The following LPP variants were observed in gnomAD, a reference collection of about 807,000 sequenced individuals.
The protein encoded by LPP is lipoma-preferred partner.
Under a neutral mutation model 60.4 loss-of-function variants are expected in LPP, and 38 were observed. That is an observed-to-expected ratio of 0.63 (90% CI 0.49 to 0.83). The LOEUF is 0.83. LPP is among the 40% of genes least tolerant of loss of function. The probability of loss-of-function intolerance (pLI) is 0.00; values close to 1 mark genes in which losing one functional copy is unlikely to be tolerated. For synonymous variants in LPP, 328 were observed against 290.8 expected (o/e 1.13, Z -1.30); for missense variants, 902 against 783.6 (o/e 1.15, Z -1.80).
chr3:188,809,319 A>G (rs1033042373), intron 9 of LPP, among the ~76,000 whole-genome samples: 1 of 152,060 alleles, frequency 6.6e-6, no homozygotes, highest in Non-Finnish European at 1.5e-5. Context: ...AAATGTTCCT[A>G]TTTCTCCACA....
chr3:188,601,712 A>T (rs1189544131), intron 6 of LPP, among the ~76,000 whole-genome samples: 2 of 152,126 alleles, frequency 1.3e-5, no homozygotes, highest in African/African-American at 4.8e-5. Flanking sequence ...AAAGCCCTAA[A>T]TGATTCTGTT....
intron 7 of LPP, among the ~76,000 whole-genome samples, chr3:188,674,666 A>G (rs1436786494): frequency 6.6e-6 from 1 of 152,174 alleles, no homozygotes; most frequent in Non-Finnish European, 1.5e-5. Context: ...TTCTCATTTA[A>G]TCTTCATAAT....
chr3:188,673,767 G>A (rs1011578702), intron 7 of LPP, among the ~76,000 whole-genome samples: 6 of 152,160 alleles, frequency 3.9e-5, no homozygotes, highest in African/African-American at 1.4e-4. Flanking sequence ...ACTGGAGGAA[G>A]GAGAGGCGGG....
intron 6 of LPP, among the ~76,000 whole-genome samples, chr3:188,602,164 A>AATATATATATAATATATATATAAT (rs1553939367): frequency 1.0e-5 from 1 of 98,924 alleles, no homozygotes; most frequent in African/African-American, 3.8e-5. Context: ...ATATATATAT[A>AATATATATATAATATATATATAAT]ATATATATAT....
intron 5 of LPP, among the ~76,000 whole-genome samples, chr3:188,486,393 G>T (rs1806528840): frequency 6.6e-6 from 1 of 152,180 alleles, no homozygotes; most frequent in Non-Finnish European, 1.5e-5. Context: ...AGTGGGACTA[G>T]TGGAAATAAA....
chr3:188,440,494 G>A (rs1793501312), intron 4 of LPP, among the ~76,000 whole-genome samples: 1 of 152,102 alleles, frequency 6.6e-6, no homozygotes, highest in South Asian at 2.1e-4. Flanking sequence ...TGCAGTCTAG[G>A]ATTTCACATC....
intron 2 of LPP, among the ~76,000 whole-genome samples, chr3:188,340,734 A>C (rs1490111339): frequency 6.6e-6 from 1 of 152,124 alleles, no homozygotes; most frequent in African/African-American, 2.4e-5. Context: ...TTAAAATCTT[A>C]AAAGTTTTTG....
rs548480999 is a variant in LPP at position 188,449,801 on chromosome 3, C to CTAT, written c.194-34774_194-34772dup. On this transcript the variant is annotated intron_variant, in intron 4 of 11. Transcript: ENST00000617246. ...TCAAAAATAAGTAACATTTATATTG[C>CTAT]TATTATTATTATTATTATTTTGAGA... 6.0e-3 allele frequency among the ~76,000 whole-genome samples: 904 copies of CTAT among 151,666 alleles called. 3 individuals carry two copies. Among genetic ancestry groups the CTAT allele is most frequent in the Non-Finnish European group, 7.4e-3 (504 of 67,890 alleles).
intron 9 of LPP, among the ~76,000 whole-genome samples, chr3:188,815,266 C>T (rs1457019630): frequency 6.6e-6 from 1 of 152,136 alleles, no homozygotes; most frequent in East Asian, 1.9e-4. Flanking sequence ...TCCTAGGCCA[C>T]CTGGATAACT....
intron 4 of LPP, among the ~76,000 whole-genome samples, chr3:188,481,718 G>T (rs566343838): frequency 1.3e-5 from 2 of 152,260 alleles, no homozygotes; most frequent in Admixed American, 1.3e-4. Context: ...GGAATAACAT[G>T]TTGTGGTTCT....
intron 3 of LPP, among the ~76,000 whole-genome samples, chr3:188,392,658 T>C (rs894476298): frequency 5.3e-5 from 8 of 152,112 alleles, no homozygotes; most frequent in Non-Finnish European, 1.2e-4. Flanking sequence ...TAAATTGTCT[T>C]GACAATAAAC....
At chr3:188,604,906 C>T (rs1428529997) in intron 6 of LPP, among the ~76,000 whole-genome samples, 3 of 152,162 alleles carry the variant, frequency 2.0e-5, no homozygotes, top group Admixed American at 6.6e-5. Context: ...AGGAACCTGA[C>T]ATTCAGCTTG....
At chr3:188,769,243 CTT>C (rs1178267833) in intron 9 of LPP, among the ~76,000 whole-genome samples, 1 of 152,188 alleles carries the variant, frequency 6.6e-6, no homozygotes, top group Non-Finnish European at 1.5e-5. Context: ...GCCTCTCTCA[CTT>C]TAATAGACAT....
chr3:188,737,521 A>T (rs911839524), intron 8 of LPP, among the ~76,000 whole-genome samples: 6 of 151,910 alleles, frequency 3.9e-5, no homozygotes, highest in Non-Finnish European at 8.8e-5. Flanking sequence ...TTGTTCTTTT[A>T]CTCTTCTGGA....
In LPP at chr3:188,527,807, G is replaced by T. The variant is rs563116036; in HGVS notation, c.429+3020G>T. 4.6e-5 allele frequency among the ~76,000 whole-genome samples: 7 copies of T among 150,966 alleles called. No individual in the cohort carries two copies. In the South Asian group the frequency reaches 1.3e-3, roughly 27 times the overall value. ...TCTGTCACCCAGGCTGGAGTGCAGT[G>T]GTGGGATCTCGGCTCACTGCAACCT... On this transcript the variant is annotated intron_variant, in intron 6 of 11. Coordinates refer to ENST00000617246, the MANE Select transcript of LPP (RefSeq NM_001375462.1).
At chr3:188,323,407 A>G (rs1265994042) in intron 2 of LPP, among the ~76,000 whole-genome samples, 1 of 152,214 alleles carries the variant, frequency 6.6e-6, no homozygotes, top group East Asian at 1.9e-4. Flanking sequence ...TTCACCATGC[A>G]TCTTCACAGA....
In LPP at chr3:188,732,934, A is replaced by T. The variant is rs562514630; in HGVS notation, c.1240+24541A>T. Among the ~76,000 whole-genome samples the T allele has an allele frequency of 1.1e-3, 164 of 152,028 alleles. No homozygotes were observed. The South Asian group carries it at 0.013, about 12-fold the overall frequency. On this transcript the variant is annotated intron_variant, in intron 8 of 11. Transcript: ENST00000617246. ...TTTTTGTTTGACTATTCATTCTGTC[A>T]TCTCACCTTAGTGGTAATTTCTTCT...
chr3:188,718,612 T>A (rs1715063049), intron 8 of LPP, among the ~76,000 whole-genome samples: 1 of 152,240 alleles, frequency 6.6e-6, no homozygotes, highest in African/African-American at 2.4e-5. Context: ...TAAATGTAAG[T>A]CTGCGTGAGG....
At chr3:188,689,361 G>A (rs1861595870) in intron 7 of LPP, among the ~76,000 whole-genome samples, 1 of 152,224 alleles carries the variant, frequency 6.6e-6, no homozygotes, top group Non-Finnish European at 1.5e-5. Flanking sequence ...TTTCTGGCCA[G>A]AATGCTATTA....
Sources: gnomAD v4.1 joint callset for allele counts (sites outside exome capture counted in the v4.1 genomes callset) on GRCh38, gnomAD v4.1.1 for gene constraint, MANE v1.5 for transcripts, NCBI Gene and HGNC (gene_info 2026-07-23, HGNC 2026-07-21) for gene names.